CSMD1: variants seen among roughly 807,000 people sequenced by gnomAD.
The protein encoded by CSMD1 is CUB and Sushi multiple domains 1.
A neutral mutation model predicts 417.5 loss-of-function variants in CSMD1; 213 were observed. That is an observed-to-expected ratio of 0.51 (90% confidence interval 0.46 to 0.57). CSMD1 has a LOEUF of 0.57. CSMD1 is among the 20% of genes least tolerant of loss of function. CSMD1 has a pLI of 0.00. For synonymous variants in CSMD1, 2,862 were observed against 1,736.8 expected (o/e 1.65, Z -16.11); for missense variants, 6,923 against 4,529.7 (o/e 1.53, Z -15.17).
intron 1 of CSMD1, among the ~76,000 whole-genome samples, chr8:4,844,137 CA>C (rs1485771958): frequency 9.9e-5 from 15 of 152,092 alleles, no homozygotes; most frequent in African/African-American, 3.6e-4. Context: ...ATTTACAAAT[CA>C]TATTTTTTCA....
intron 5 of CSMD1, among the ~76,000 whole-genome samples, chr8:3,816,169 T>C (rs776293655): frequency 6.6e-6 from 1 of 152,136 alleles, no homozygotes; most frequent in Non-Finnish European, 1.5e-5. Context: ...GATAAAAACC[T>C]TCCCTCTGTG....
At chr8:4,218,745 G>A (rs1222443654) in intron 3 of CSMD1, among the ~76,000 whole-genome samples, 6 of 152,152 alleles carry the variant, frequency 3.9e-5, no homozygotes. Flanking sequence ...TACAAACCTG[G>A]CTGTTTTCAT....
chr8:4,203,370 G>T lies in CSMD1; in HGVS notation c.416-171271C>A, dbSNP rs148931082. On this transcript the variant is annotated intron_variant, in intron 3 of 69. Coordinates refer to ENST00000635120, the MANE Select transcript of CSMD1 (RefSeq NM_033225.6). The stretch of plus-strand genomic sequence containing the variant: ...GCCAACATCAGCCTTCCAACCTGTG[G>T]AAATATGAGGTGAGATCTTTGTGGT... Among the ~76,000 whole-genome samples the T allele has an allele frequency of 1.5e-3, 229 of 152,194 alleles. 4 individuals are homozygous for T. The East Asian group carries it at 0.019, about 13-fold the overall frequency.
chr8:4,211,727 G>A (rs896274815), intron 3 of CSMD1, among the ~76,000 whole-genome samples: 12 of 152,106 alleles, frequency 7.9e-5, no homozygotes, highest in African/African-American at 2.9e-4. Flanking sequence ...TTGCAAGTGG[G>A]GAGTTGACAA....
chr8:4,580,321 G>A (rs1292843486), intron 2 of CSMD1, among the ~76,000 whole-genome samples: 2 of 152,138 alleles, frequency 1.3e-5, no homozygotes, highest in Non-Finnish European at 2.9e-5. Flanking sequence ...GAAGGTACAT[G>A]AAAGACATGA....
intron 1 of CSMD1, among the ~76,000 whole-genome samples, chr8:4,807,842 T>C (rs1289291673): frequency 6.6e-6 from 1 of 152,108 alleles, no homozygotes; most frequent in Admixed American, 6.5e-5. Context: ...TAGCAAGCTA[T>C]GTTATTGTTA....
chr8:3,483,884 A>C (rs909418330), intron 11 of CSMD1, among the ~76,000 whole-genome samples: 1 of 152,220 alleles, frequency 6.6e-6, no homozygotes, highest in African/African-American at 2.4e-5. Flanking sequence ...GGCTAAAGAA[A>C]GAACATGATA....
chr8:4,671,462 A>C (rs1209202142), intron 1 of CSMD1, among the ~76,000 whole-genome samples: 1 of 152,202 alleles, frequency 6.6e-6, no homozygotes, highest in Non-Finnish European at 1.5e-5. Context: ...TAATTCTGGA[A>C]GCACGACAGA....
intron 1 of CSMD1, among the ~76,000 whole-genome samples, chr8:4,917,936 G>C (rs1806181434): frequency 6.6e-6 from 1 of 152,154 alleles, no homozygotes; most frequent in Admixed American, 6.5e-5. Flanking sequence ...ATCAGAAGTT[G>C]ATACAGAAAA....
intron 25 of CSMD1, among the ~76,000 whole-genome samples, chr8:3,295,398 T>A (rs557929077): frequency 6.6e-6 from 1 of 152,128 alleles, no homozygotes. Context: ...AGTGCTGGGA[T>A]TAGAGGTGTG....
chr8:4,177,519 A>C (rs374916806), intron 3 of CSMD1, among the ~76,000 whole-genome samples: 2 of 152,186 alleles, frequency 1.3e-5, no homozygotes, highest in African/African-American at 2.4e-5. Flanking sequence ...CAATTAAAAG[A>C]ACTAGAAAAA....
chr8:4,874,226 A>G (rs1585245600), intron 1 of CSMD1, among the ~76,000 whole-genome samples: 1 of 152,110 alleles, frequency 6.6e-6, no homozygotes, highest in Non-Finnish European at 1.5e-5. Flanking sequence ...AAGCCACTGT[A>G]TAATTGGCCG....
chr8:3,426,589 T>C (rs1343384280), intron 12 of CSMD1, among the ~76,000 whole-genome samples: 3 of 152,184 alleles, frequency 2.0e-5, no homozygotes, highest in Admixed American at 6.5e-5. Context: ...GCAATATAAT[T>C]TTTTATTTAT....
At chr8:4,364,217 TAAG>T (rs1801940375) in intron 3 of CSMD1, among the ~76,000 whole-genome samples, 1 of 152,100 alleles carries the variant, frequency 6.6e-6, no homozygotes, top group South Asian at 2.1e-4. Context: ...ATTGTAAAAA[TAAG>T]TAGTTAATTA....
intron 1 of CSMD1, among the ~76,000 whole-genome samples, chr8:4,672,868 T>A (rs902028161): frequency 3.3e-5 from 5 of 151,912 alleles, no homozygotes; most frequent in African/African-American, 1.2e-4. Context: ...CATGCATACA[T>A]GGTAACATGG....
chr8:4,322,899 C>A (rs575326367), intron 3 of CSMD1, among the ~76,000 whole-genome samples: 12 of 152,280 alleles, frequency 7.9e-5, no homozygotes, highest in African/African-American at 2.9e-4. Flanking sequence ...GCAGGAGAAT[C>A]GCTTGAACCC....
intron 2 of CSMD1, among the ~76,000 whole-genome samples, chr8:4,500,840 A>G (rs534831152): frequency 1.3e-5 from 2 of 152,244 alleles, no homozygotes; most frequent in African/African-American, 4.8e-5. Context: ...CATTGCCTGG[A>G]GGATTTCTAT....
intron 4 of CSMD1, among the ~76,000 whole-genome samples, chr8:4,022,494 C>T (rs577256252): frequency 1.1e-4 from 17 of 152,148 alleles, no homozygotes; most frequent in African/African-American, 2.2e-4. Context: ...GACTTCCCTC[C>T]GAAGCAACAT....
At chr8:4,048,785 G>A (rs1019694930) in intron 3 of CSMD1, among the ~76,000 whole-genome samples, 2 of 152,160 alleles carry the variant, frequency 1.3e-5, no homozygotes, top group African/African-American at 4.8e-5. Context: ...TTACATGAAT[G>A]TTATTATACA....
Sources: allele counts gnomAD v4.1 joint callset (sites outside exome capture counted in the v4.1 genomes callset), GRCh38; gene constraint gnomAD v4.1.1; transcripts MANE v1.5; gene names NCBI Gene and HGNC (gene_info 2026-07-23, HGNC 2026-07-21).